SCN1A: variants seen among roughly 807,000 people sequenced by gnomAD.
SCN1A encodes sodium voltage-gated channel alpha subunit 1, also known as sodium channel protein type 1 subunit alpha.
A neutral mutation model predicts 193.7 loss-of-function variants in SCN1A; 13 were observed. That is an observed-to-expected ratio of 0.07 (90% CI 0.04 to 0.11). The LOEUF (loss-of-function observed/expected upper bound fraction) is 0.11, where lower values mean the gene tolerates loss of function less well. SCN1A is among the 10% of genes least tolerant of loss of function. The pLI, the probability that SCN1A is intolerant of heterozygous loss-of-function variation, is 1.00. For missense variants in SCN1A, 1,432 were observed against 2,451.1 expected, an observed-to-expected ratio of 0.58 and a Z score of 8.78; for synonymous variants, 781 against 843.6, an observed-to-expected ratio of 0.93 and a Z score of 1.29.
At position 166,009,780 on chromosome 2, in the gene SCN1A, G is replaced by A; in HGVS notation, c.3941C>T (p.Ser1314Phe). ...LGYSELGAIK[S>F]LRTLRALRPL... The stretch of plus-strand genomic sequence containing the variant: ...TCTCAGAGCTCTTAGTGTCCTGAGA[G>A]ATTTGATGGCTCCAAGTTCTGAGTA... Residue 1314 changes from serine to phenylalanine, a missense_variant, in exon 23 of 29, where the codon TCT becomes TTT. Transcript: ENST00000674923. 6.2e-7 allele frequency: 1 copy of A among 1,607,478 alleles called. No homozygotes were observed.
chr2:166,133,438 A>G (rs1366654600), intron 1 of SCN1A, among the ~76,000 whole-genome samples: 1 of 152,186 alleles, frequency 6.6e-6, no homozygotes, highest in Non-Finnish European at 1.5e-5. Context: ...GATTTCTCAA[A>G]GGGAAATTAA....
At position 166,012,181 on chromosome 2, in the gene SCN1A, T is replaced by G. The variant is rs1359405350; in HGVS notation, c.3807A>C (p.Leu1269=). The change falls in exon 22 of 29, where the codon CTA becomes CTC. Residue 1269 remains leucine (L), a synonymous_variant. Transcript: ENST00000674923. ...TTTGATAGCCATATGCCACCCATTT[T>G]AGAAGCATTTCCAGAATGAAAATGT... ...FTYIFILEML[L]KWVAYGYQTY... is the part of the protein sequence containing the mutation. 1.9e-6 allele frequency: 3 copies of G among 1,610,436 alleles called. No individual in the cohort carries two copies. The highest frequency in any genetic ancestry group is 2.7e-5 in the African/African-American group (2 of 74,692).
At chr2:166,097,457 G>A (rs1687518032) in intron 2 of SCN1A, among the ~76,000 whole-genome samples, 1 of 152,064 alleles carries the variant, frequency 6.6e-6, no homozygotes, top group Non-Finnish European at 1.5e-5. Context: ...GCCAGGGTTT[G>A]AAAATCAGAT....
intron 2 of SCN1A, among the ~76,000 whole-genome samples, chr2:166,113,734 A>G (rs1289432194): frequency 6.6e-6 from 1 of 152,168 alleles, no homozygotes; most frequent in Non-Finnish European, 1.5e-5. Context: ...AGTAGGTGCA[A>G]GGTGGGTGGA....
At chr2:166,049,048 A>C (rs1456175880) in intron 9 of SCN1A, 99 bp from the exon 10 acceptor site, 4 of 752,902 alleles carry the variant, frequency 5.3e-6, no homozygotes, top group Non-Finnish European at 9.6e-6. Context: ...TTTATTGAGT[A>C]ATTTTAAATA....
intron 7 of SCN1A, among the ~76,000 whole-genome samples, chr2:166,053,440 C>T (rs1698815447): frequency 6.6e-6 from 1 of 151,878 alleles, no homozygotes; most frequent in Non-Finnish European, 1.5e-5. Context: ...TGAAATCACC[C>T]AACAGAAATT....
intron 2 of SCN1A, among the ~76,000 whole-genome samples, chr2:166,106,536 G>A (rs1210626398): frequency 6.6e-6 from 1 of 152,136 alleles, no homozygotes; most frequent in Non-Finnish European, 1.5e-5. Flanking sequence ...GTGAGCTAAG[G>A]TTGGTGGGTG....
chr2:166,024,666 ATTTG>A (rs1436614808), intron 19 of SCN1A, among the ~76,000 whole-genome samples: 10 of 151,948 alleles, frequency 6.6e-5, no homozygotes, highest in East Asian at 3.9e-4. Context: ...TTTGACTATT[ATTTG>A]TTTGTTTATT....
At chr2:166,045,022 G>A (rs201439626) in intron 13 of SCN1A, 21 bp downstream of exon 13, 2 of 1,613,424 alleles carry the variant, frequency 1.2e-6, no homozygotes, top group African/African-American at 1.3e-5. Flanking sequence ...CCATGCATCA[G>A]TAAACTCAGC....
At chr2:166,095,032 G>A (rs1033278992) in intron 2 of SCN1A, among the ~76,000 whole-genome samples, 1 of 152,138 alleles carries the variant, frequency 6.6e-6, no homozygotes, top group African/African-American at 2.4e-5. Context: ...GATTTTGTAA[G>A]TCAGATCAAA....
At chr2:166,064,820 T>C (rs1407878552) in intron 4 of SCN1A, among the ~76,000 whole-genome samples, 1 of 152,206 alleles carries the variant, frequency 6.6e-6, no homozygotes, top group Non-Finnish European at 1.5e-5. Context: ...TATTGCACTT[T>C]CCTACTCTTA....
intron 19 of SCN1A, among the ~76,000 whole-genome samples, chr2:166,035,838 A>G (rs1574165163): frequency 6.6e-6 from 1 of 152,258 alleles, no homozygotes; most frequent in Middle Eastern, 3.4e-3. Context: ...ATGAGAGTAT[A>G]TTGTACCACA....
At chr2:166,098,261 A>T (rs1424066878) in intron 2 of SCN1A, among the ~76,000 whole-genome samples, 1 of 152,182 alleles carries the variant, frequency 6.6e-6, no homozygotes, top group Admixed American at 6.5e-5. Context: ...AGAACTAAAA[A>T]CAAAAAACCA....
chr2:166,075,465 G>T (rs1684899087), intron 3 of SCN1A: 1 of 151,910 alleles, frequency 6.6e-6, no homozygotes, highest in African/African-American at 2.4e-5. Context: ...TACTTAAAAT[G>T]TATATTAGAG....
chr2:166,015,053 G>C (rs1266573336), intron 20 of SCN1A, among the ~76,000 whole-genome samples: 2 of 151,694 alleles, frequency 1.3e-5, no homozygotes, highest in African/African-American at 4.8e-5. Flanking sequence ...CAAATTCCCA[G>C]GGATATCAGA....
In SCN1A at chr2:166,001,879, CTTTTTTTTTTTTTTTT is replaced by C. The variant is rs71393699; in HGVS notation, c.4284+577_4284+592del. ...GTTGCTTCCAGGTATAATTCTCTCT[CTTTTTTTTTTTTTTTT>C]TTTTTTTTTTTAGATGGAGTTTCAC... On this transcript the variant is annotated intron_variant, in intron 24 of 28. Coordinates refer to ENST00000674923, the MANE Select transcript of SCN1A (RefSeq NM_001165963.4). 1.3e-4 allele frequency among the ~76,000 whole-genome samples: 6 copies of C among 46,406 alleles called. No individual in the cohort carries two copies. In the East Asian group the frequency reaches 5.3e-3, roughly 41 times the overall value. 30.4% of individuals were successfully genotyped at this position (46,406 alleles called of 152,430 possible). A position where few individuals can be genotyped will look rare whatever the true frequency, so the allele number is the denominator to read the frequency against.
intron 2 of SCN1A, chr2:166,109,750 C>T (rs1689094980): frequency 6.5e-6 from 1 of 152,696 alleles, no homozygotes; most frequent in African/African-American, 2.4e-5. Flanking sequence ...GGTGTTACGT[C>T]TGCTCTGACT....
chr2:166,083,534 C>T (rs1225518872), intron 2 of SCN1A, among the ~76,000 whole-genome samples: 1 of 151,506 alleles, frequency 6.6e-6, no homozygotes, highest in Admixed American at 6.6e-5. Flanking sequence ...GCAAAAAATT[C>T]ATTCAATCTA....
At chr2:166,005,133 G>A (rs1691476929) in intron 23 of SCN1A, among the ~76,000 whole-genome samples, 1 of 151,326 alleles carries the variant, frequency 6.6e-6, no homozygotes, top group African/African-American at 2.4e-5. Flanking sequence ...CTGACAGATT[G>A]TAAGATTTTC....
Sources: allele counts gnomAD v4.1 joint callset (sites outside exome capture counted in the v4.1 genomes callset), GRCh38; gene constraint gnomAD v4.1.1; transcripts MANE v1.5; gene names NCBI Gene and HGNC (gene_info 2026-07-23, HGNC 2026-07-21).